AGBL4: variants seen among roughly 807,000 people sequenced by gnomAD.
AGBL4 encodes the protein cytosolic carboxypeptidase 6.
AGBL4 carries 58 observed loss-of-function variants against 66.4 expected under a neutral mutation model. That is an observed-to-expected ratio of 0.87 (90% CI 0.71 to 1.09). The LOEUF is 1.09. Among genes scored for constraint, AGBL4 ranks in the 50% least tolerant of loss-of-function variants. AGBL4 has a pLI of 0.00. For missense variants in AGBL4, 579 were observed against 631.0 expected, an observed-to-expected ratio of 0.92 and a Z score of 0.88; for synonymous variants, 234 against 222.9, an observed-to-expected ratio of 1.05 and a Z score of -0.44.
chr1:48,616,702 ACTGT>A (rs1645324478), intron 9 of AGBL4, among the ~76,000 whole-genome samples: 1 of 152,232 alleles, frequency 6.6e-6, no homozygotes, highest in Non-Finnish European at 1.5e-5. Context: ...CCTAGTAATT[ACTGT>A]CTAATTACCA....
intron 2 of AGBL4, among the ~76,000 whole-genome samples, chr1:49,815,286 T>C (rs1475325382): frequency 6.6e-6 from 1 of 152,218 alleles, no homozygotes; most frequent in Non-Finnish European, 1.5e-5. Flanking sequence ...TGTCTTTCTG[T>C]GTCTGGTTTA....
chr1:49,140,303 G>C (rs985776613), intron 4 of AGBL4, among the ~76,000 whole-genome samples: 1 of 152,214 alleles, frequency 6.6e-6, no homozygotes, highest in African/African-American at 2.4e-5. Flanking sequence ...TATAGATAAG[G>C]AAATCTAGGC....
rs1238661938 is a variant in AGBL4 at position 49,576,746 on chromosome 1, C to T, written c.282+120567G>A. On this transcript the variant is annotated intron_variant, in intron 3 of 13. Transcript: ENST00000371839. ...AGTGGCATGGTGTTCACTCCTGCCA[C>T]TCTGCCTTCTCTTCCCCAGTCTGCA... 2.0e-5 allele frequency among the ~76,000 whole-genome samples: 3 copies of T among 152,188 alleles called. No individual in the cohort carries two copies. In the East Asian group the frequency reaches 5.8e-4, roughly 29 times the overall value.
intron 8 of AGBL4, among the ~76,000 whole-genome samples, chr1:48,652,780 A>T (rs1021684346): frequency 4.6e-5 from 7 of 152,188 alleles, no homozygotes; most frequent in African/African-American, 1.7e-4. Context: ...CCAGGAGAAA[A>T]GGAGTTCAAG....
chr1:49,167,171 C>T (rs1646650680), intron 4 of AGBL4, among the ~76,000 whole-genome samples: 1 of 152,156 alleles, frequency 6.6e-6, no homozygotes, highest in Non-Finnish European at 1.5e-5. Context: ...AGTTTCTTAA[C>T]AAGATAATCA....
chr1:49,773,849 T>G (rs1180306187), intron 2 of AGBL4, among the ~76,000 whole-genome samples: 2 of 152,212 alleles, frequency 1.3e-5, no homozygotes, highest in African/African-American at 4.8e-5. Context: ...CTCTCCACTG[T>G]GCATGCTTGC....
At chr1:48,752,012 A>G (rs1651817359) in intron 6 of AGBL4, among the ~76,000 whole-genome samples, 1 of 152,194 alleles carries the variant, frequency 6.6e-6, no homozygotes, top group Admixed American at 6.5e-5. Flanking sequence ...AAACTACTCC[A>G]CTTCTTATTA....
chr1:49,293,195 G>A (rs940522875), intron 3 of AGBL4, among the ~76,000 whole-genome samples: 2 of 152,196 alleles, frequency 1.3e-5, no homozygotes, highest in Non-Finnish European at 2.9e-5. Context: ...ACTTGGAGCT[G>A]CCTGCCTCAC....
At chr1:48,748,206 C>G (rs904509473) in intron 6 of AGBL4, among the ~76,000 whole-genome samples, 14 of 152,136 alleles carry the variant, frequency 9.2e-5, no homozygotes, top group Non-Finnish European at 1.5e-5. Flanking sequence ...AAGATGCCTC[C>G]GGAGCTGGGT....
intron 2 of AGBL4, among the ~76,000 whole-genome samples, chr1:49,711,884 G>C (rs936503510): frequency 2.6e-5 from 4 of 151,972 alleles, no homozygotes; most frequent in Non-Finnish European, 5.9e-5. Flanking sequence ...TTACATACAG[G>C]GACTGTAAAG....
chr1:48,689,787 C>T (rs553656346), intron 6 of AGBL4, among the ~76,000 whole-genome samples: 2 of 152,210 alleles, frequency 1.3e-5, no homozygotes, highest in Admixed American at 1.3e-4. Flanking sequence ...TACCTGTAGT[C>T]CCAGCTACTT....
intron 11 of AGBL4, among the ~76,000 whole-genome samples, chr1:48,563,405 T>A (rs1418676952): frequency 6.6e-6 from 1 of 152,084 alleles, no homozygotes; most frequent in Non-Finnish European, 1.5e-5. Context: ...CATCCCTGAG[T>A]CATTTGTCTA....
At chr1:49,965,938 GA>G (rs1360756567) in intron 1 of AGBL4, among the ~76,000 whole-genome samples, 2 of 147,964 alleles carry the variant, frequency 1.4e-5, no homozygotes, top group Non-Finnish European at 3.0e-5. Context: ...CTATTACAAT[GA>G]TTTTTTTTTT....
intron 5 of AGBL4, among the ~76,000 whole-genome samples, chr1:49,004,331 T>C (rs573961148): frequency 1.3e-5 from 2 of 152,290 alleles, no homozygotes; most frequent in Non-Finnish European, 2.9e-5. Flanking sequence ...AAAGTCCTGA[T>C]TGAGGATTAC....
intron 3 of AGBL4, among the ~76,000 whole-genome samples, chr1:49,568,017 T>C (rs1029857034): frequency 4.6e-5 from 7 of 152,130 alleles, no homozygotes; most frequent in Admixed American, 1.3e-4. Context: ...TTATACTCAA[T>C]TGGCAAAAGC....
chr1:48,966,554 A>T (rs553301963), intron 5 of AGBL4, among the ~76,000 whole-genome samples: 1 of 152,318 alleles, frequency 6.6e-6, no homozygotes, highest in East Asian at 1.9e-4. Flanking sequence ...CCAAAAGAAA[A>T]GAATATACCC....
intron 1 of AGBL4, among the ~76,000 whole-genome samples, chr1:49,875,523 A>C (rs1328203000): frequency 1.4e-5 from 2 of 147,130 alleles, no homozygotes; most frequent in Admixed American, 6.8e-5. Flanking sequence ...TCTATGGTGT[A>C]TATGTGCCAC....
At chr1:49,312,788 A>G (rs1432204793) in intron 3 of AGBL4, among the ~76,000 whole-genome samples, 1 of 152,124 alleles carries the variant, frequency 6.6e-6, no homozygotes, top group Non-Finnish European at 1.5e-5. Flanking sequence ...AACTACACAT[A>G]TATTAGAATG....
chr1:49,797,130 C>G (rs1430127458), intron 2 of AGBL4, among the ~76,000 whole-genome samples: 16 of 152,120 alleles, frequency 1.1e-4, no homozygotes, highest in Non-Finnish European at 2.4e-4. Context: ...TATCAACTTT[C>G]TATTCATAAA....
Sources: allele counts gnomAD v4.1 joint callset (sites outside exome capture counted in the v4.1 genomes callset), GRCh38; gene constraint gnomAD v4.1.1; transcripts MANE v1.5; gene names NCBI Gene and HGNC (gene_info 2026-07-23, HGNC 2026-07-21).